FAM227B: variants seen among roughly 807,000 people sequenced by gnomAD.
FAM227B encodes the protein protein FAM227B.
A neutral mutation model predicts 73.8 loss-of-function variants in FAM227B; 88 were observed. The ratio of observed to expected loss-of-function variants is 1.19; its 90% CI spans 1.00 to 1.42. FAM227B has a LOEUF of 1.42. Among genes scored for constraint, FAM227B ranks in the 40% most tolerant of loss-of-function variants. The pLI is 0.00. For synonymous variants in FAM227B, 210 were observed against 190.5 expected, an observed-to-expected ratio of 1.10 and a Z score of -0.84; for missense variants, 632 against 590.9, an observed-to-expected ratio of 1.07 and a Z score of -0.72.
intron 9 of FAM227B, among the ~76,000 whole-genome samples, chr15:49,546,177 C>T (rs2071841965): frequency 6.6e-6 from 1 of 151,924 alleles, no homozygotes; most frequent in Non-Finnish European, 1.5e-5. Flanking sequence ...TCTCATTGTT[C>T]AATTCCCACC....
chr15:49,531,038 A>T (rs1027163912), intron 10 of FAM227B, among the ~76,000 whole-genome samples: 2 of 151,742 alleles, frequency 1.3e-5, no homozygotes, highest in African/African-American at 4.8e-5. Flanking sequence ...AACACATTCT[A>T]AAATACAAGG....
At chr15:49,437,845 G>A (rs2051250306) in intron 11 of FAM227B, among the ~76,000 whole-genome samples, 2 of 151,758 alleles carry the variant, frequency 1.3e-5, no homozygotes, top group African/African-American at 4.8e-5. Context: ...AGTAAGTACT[G>A]TGAAAAAGGT....
At chr15:49,568,167 G>A (rs957787796) in intron 9 of FAM227B, 78 bp downstream of exon 9, 1 of 1,233,626 alleles carries the variant, frequency 8.1e-7, no homozygotes, top group South Asian at 1.4e-5. Flanking sequence ...TTCTCATATG[G>A]GTTTAAATAA....
intron 11 of FAM227B, among the ~76,000 whole-genome samples, chr15:49,406,504 G>A (rs1188174101): frequency 6.6e-6 from 1 of 152,010 alleles, no homozygotes; most frequent in Non-Finnish European, 1.5e-5. Context: ...CTCAGGGTGG[G>A]GGAGGGTCTG....
At chr15:49,597,922 G>A (rs894455794) in intron 3 of FAM227B, among the ~76,000 whole-genome samples, 5 of 151,086 alleles carry the variant, frequency 3.3e-5, no homozygotes, top group Non-Finnish European at 7.4e-5. Context: ...ATTAAACCAG[G>A]AAAAAAATAG....
At position 49,338,267 on chromosome 15, in the gene FAM227B, C is replaced by T. The variant is rs1800031584; in HGVS notation, c.1272-2771G>A. The stretch of plus-strand genomic sequence containing the variant: ...TGGTATGTTTTTGCAGTGCCTGGTA[C>T]CGGTTGTTCCTTTCCATGTTTAGTG... On this transcript the variant is annotated intron_variant, in intron 13 of 15. Coordinates refer to ENST00000299338, the MANE Select transcript of FAM227B (RefSeq NM_152647.3). Among the ~76,000 whole-genome samples, 3 of 152,130 alleles carry T rather than the reference C, an allele frequency of 2.0e-5. No homozygotes were observed. The South Asian group carries it at 6.2e-4, about 32-fold the overall frequency.
intron 1 of FAM227B, among the ~76,000 whole-genome samples, chr15:49,618,447 A>AT (rs2078437827): frequency 6.6e-6 from 1 of 152,246 alleles, no homozygotes; most frequent in African/African-American, 2.4e-5. Context: ...GAACAGATAA[A>AT]TAATACATTA....
intron 11 of FAM227B, among the ~76,000 whole-genome samples, chr15:49,501,695 A>T (rs1236054053): frequency 1.3e-5 from 2 of 152,250 alleles, no homozygotes; most frequent in Non-Finnish European, 2.9e-5. Flanking sequence ...CTTTGTAGCA[A>T]TGACTTGCTA....
At chr15:49,470,467 A>ATATACAAAACCAC (rs1312474888) in intron 11 of FAM227B, among the ~76,000 whole-genome samples, 1 of 152,150 alleles carries the variant, frequency 6.6e-6, no homozygotes, top group African/African-American at 2.4e-5. Context: ...TAGGACAAGT[A>ATATACAAAACCAC]TATACAAAAC....
intron 13 of FAM227B, among the ~76,000 whole-genome samples, chr15:49,349,019 T>C (rs988927783): frequency 3.9e-5 from 6 of 152,198 alleles, no homozygotes; most frequent in African/African-American, 1.4e-4. Context: ...TAAAAAATGA[T>C]GTAACTCACT....
intron 10 of FAM227B, among the ~76,000 whole-genome samples, chr15:49,529,428 A>G (rs1187812401): frequency 4.0e-5 from 6 of 151,810 alleles, no homozygotes; most frequent in Admixed American, 3.9e-4. Context: ...ATTGCACAAT[A>G]TATCTATGTA....
At chr15:49,510,041 A>C (rs191733648) in intron 10 of FAM227B, among the ~76,000 whole-genome samples, 1 of 152,054 alleles carries the variant, frequency 6.6e-6, no homozygotes, top group East Asian at 1.9e-4. Flanking sequence ...AGAAACAACT[A>C]TCTTTATCTG....
intron 3 of FAM227B, among the ~76,000 whole-genome samples, chr15:49,601,168 G>T (rs569131671): frequency 5.3e-4 from 79 of 148,660 alleles, no homozygotes; most frequent in Non-Finnish European, 9.7e-4. Context: ...CACAATTACT[G>T]TTGCTCCAAC....
At chr15:49,477,746 C>A (rs1190708285) in intron 11 of FAM227B, among the ~76,000 whole-genome samples, 1 of 152,154 alleles carries the variant, frequency 6.6e-6, no homozygotes, top group Non-Finnish European at 1.5e-5. Flanking sequence ...TTTTAAGAAA[C>A]TGCCAAACTG....
At chr15:49,553,089 T>C (rs1219506104) in intron 9 of FAM227B, among the ~76,000 whole-genome samples, 1 of 152,192 alleles carries the variant, frequency 6.6e-6, no homozygotes, top group Non-Finnish European at 1.5e-5. Flanking sequence ...TCTGCGCTTA[T>C]TTATAGCTGT....
chr15:49,593,726 A>T (rs1424867808), intron 3 of FAM227B, among the ~76,000 whole-genome samples: 1 of 152,178 alleles, frequency 6.6e-6, no homozygotes, highest in Non-Finnish European at 1.5e-5. Context: ...ACTTAGAATA[A>T]TGGCTCCAAC....
intron 8 of FAM227B, among the ~76,000 whole-genome samples, chr15:49,574,215 A>G (rs2075302721): frequency 6.6e-6 from 1 of 152,118 alleles, no homozygotes; most frequent in Non-Finnish European, 1.5e-5. Flanking sequence ...GTATTATAAT[A>G]TTATTACTGA....
chr15:49,582,377 A>C (rs1047955868), intron 5 of FAM227B, among the ~76,000 whole-genome samples: 3 of 152,232 alleles, frequency 2.0e-5, no homozygotes, highest in Admixed American at 2.0e-4. Context: ...AAATCAAAAA[A>C]GACAAGGGAA....
chr15:49,351,697 C>T (rs761362771), intron 13 of FAM227B, among the ~76,000 whole-genome samples: 1 of 152,144 alleles, frequency 6.6e-6, no homozygotes, highest in Non-Finnish European at 1.5e-5. Context: ...AATAAAGTAA[C>T]ATTGGACAGA....
Sources: gnomAD v4.1 joint callset for allele counts (sites outside exome capture counted in the v4.1 genomes callset) on GRCh38, gnomAD v4.1.1 for gene constraint, MANE v1.5 for transcripts, NCBI Gene and HGNC (gene_info 2026-07-23, HGNC 2026-07-21) for gene names.